NELL1: variants seen among roughly 807,000 people sequenced by gnomAD.
The protein encoded by NELL1 is neural EGFL like 1, also known as protein kinase C-binding protein NELL1.
A neutral mutation model predicts 107.4 loss-of-function variants in NELL1; 76 were observed. The ratio of observed to expected loss-of-function variants is 0.71; its 90% CI spans 0.59 to 0.86. The LOEUF (loss-of-function observed/expected upper bound fraction) is 0.86, where lower values mean the gene tolerates loss of function less well. Ranked by LOEUF, NELL1 falls within the 40% of genes least tolerant of loss-of-function variation. NELL1 has a pLI of 0.00. For missense variants in NELL1, 1,024 were observed against 1,005.5 expected (o/e 1.02, Z -0.25); for synonymous variants, 353 against 341.2 (o/e 1.03, Z -0.38).
chr11:21,415,090 G>A (rs1329211181), intron 15 of NELL1, among the ~76,000 whole-genome samples: 1 of 152,102 alleles, frequency 6.6e-6, no homozygotes, highest in Admixed American at 6.6e-5. Flanking sequence ...CTGCAGGGCT[G>A]TTAAACTACC....
At chr11:21,177,731 T>C (rs1856742812) in intron 13 of NELL1, among the ~76,000 whole-genome samples, 1 of 151,860 alleles carries the variant, frequency 6.6e-6, no homozygotes, top group Non-Finnish European at 1.5e-5. Context: ...TTTACATTCC[T>C]ACCAACAGTG....
Position 21,229,429 on chromosome 11 carries a change from C to T in NELL1, c.1524C>T (p.Tyr508=), listed in dbSNP as rs770849459. Reference sequence around the variant, plus strand: ...ACAGCTGCACCTGCAAACCGGGCTACGTGGGGAACGGGACCATCTGCAGAG... The same window carrying T: ...ACAGCTGCACCTGCAAACCGGGCTATGTGGGGAACGGGACCATCTGCAGAG... ...QGHSCTCKPG[Y]VGNGTICRAF... Residue 508 remains tyrosine, a synonymous_variant, in exon 14 of 20, where the codon TAC becomes TAT. Transcript: ENST00000357134. The T allele has an allele frequency of 2.5e-6, 4 of 1,613,922 alleles. No individual in the cohort carries two copies. The highest frequency in any genetic ancestry group is 1.3e-5 in the African/African-American group (1 of 75,048).
intron 14 of NELL1, among the ~76,000 whole-genome samples, chr11:21,273,640 G>A (rs1205022885): frequency 2.0e-5 from 3 of 152,144 alleles, no homozygotes; most frequent in East Asian, 1.9e-4. Flanking sequence ...AAAATGTTAA[G>A]GGCAGCCAGA....
intron 14 of NELL1, among the ~76,000 whole-genome samples, chr11:21,259,559 A>G (rs723468): frequency 0.043 from 6,599 of 151,980 alleles, 178 homozygotes; most frequent in Admixed American, 0.073. Flanking sequence ...GAGTGCTGCA[A>G]TAGACAGACT....
chr11:20,805,115 G>T (rs1857354528), intron 3 of NELL1, among the ~76,000 whole-genome samples: 1 of 151,628 alleles, frequency 6.6e-6, no homozygotes, highest in Non-Finnish European at 1.5e-5. Flanking sequence ...GTTTCCATTG[G>T]CATGGAATAT....
chr11:20,956,569 C>T lies in NELL1; in HGVS notation c.1172-3863C>T, dbSNP rs372222760. ...GCTGAGGCAGGAGAATGGCATGAAC[C>T]CGGGAGGCAGAGCTTGCAGTGAGCT... On this transcript the variant is annotated intron_variant, in intron 11 of 19. Transcript: ENST00000357134. Among the ~76,000 whole-genome samples the T allele has an allele frequency of 7.8e-4, 118 of 151,634 alleles. No individual in the cohort carries two copies. The East Asian group carries it at 0.019, about 24-fold the overall frequency.
chr11:21,412,085 A>G (rs1490523695), intron 15 of NELL1, among the ~76,000 whole-genome samples: 4 of 152,114 alleles, frequency 2.6e-5, no homozygotes, highest in Admixed American at 2.6e-4. Flanking sequence ...AGTTTGCAAT[A>G]AAGTATCAAA....
At chr11:21,239,534 A>C (rs1216362855) in intron 14 of NELL1, among the ~76,000 whole-genome samples, 1 of 152,026 alleles carries the variant, frequency 6.6e-6, no homozygotes, top group Non-Finnish European at 1.5e-5. Flanking sequence ...TCAGTATTCT[A>C]ATATGTAGCC....
At position 21,405,397 on chromosome 11, in the gene NELL1, T is replaced by A. The variant is rs111622056; in HGVS notation, c.1645+34449T>A. Reference sequence around the variant, plus strand: ...GTTGTAAAAAGAAACAGGATTCCAATTTTTTCTGTTGTGTTTATTATTTCA... The same window carrying A: ...GTTGTAAAAAGAAACAGGATTCCAAATTTTTCTGTTGTGTTTATTATTTCA... On this transcript the variant is annotated intron_variant, in intron 15 of 19. Transcript: ENST00000357134. Among the ~76,000 whole-genome samples, 34 of 18,940 alleles carry A rather than the reference T, an allele frequency of 1.8e-3. 1 individual carries two copies. In the South Asian group the frequency reaches 0.039, roughly 22 times the overall value. The allele number at this position is 18,940 out of a possible 152,430, so 12.4% of individuals were successfully genotyped here.
At chr11:20,761,762 G>T (rs1163009275) in intron 2 of NELL1, among the ~76,000 whole-genome samples, 1 of 152,170 alleles carries the variant, frequency 6.6e-6, no homozygotes, top group Non-Finnish European at 1.5e-5. Context: ...TTGCATGTGT[G>T]ATAAAACAAG....
chr11:20,955,912 G>A (rs1273334964), intron 11 of NELL1, among the ~76,000 whole-genome samples: 1 of 152,038 alleles, frequency 6.6e-6, no homozygotes, highest in Non-Finnish European at 1.5e-5. Context: ...TTTTAAGCCA[G>A]GAACTGTAAT....
In NELL1 at chr11:20,919,142, C is replaced by CA. The variant is rs897156516; in HGVS notation, c.677-103dup. On this transcript the variant is annotated intron_variant, in intron 6 of 19. Transcript: ENST00000357134. ...ACTCAAATTTCAAAGCAATGTCAAC[C>CA]AAAAAAACCCCAAAAACTCTTCTAC... 24 of 536,702 alleles carry CA rather than the reference C, an allele frequency of 4.5e-5. No homozygotes were observed. The Middle Eastern group carries it at 1.6e-3, about 35-fold the overall frequency. 33.2% of individuals were successfully genotyped at this position (536,702 alleles called of 1,614,324 possible). A position where few individuals can be genotyped will look rare whatever the true frequency, so the allele number is the denominator to read the frequency against.
intron 10 of NELL1, among the ~76,000 whole-genome samples, chr11:20,942,305 G>A (rs1850872087): frequency 6.6e-6 from 1 of 152,170 alleles, no homozygotes; most frequent in Non-Finnish European, 1.5e-5. Context: ...GAATGCCAGA[G>A]ATTCCATGAG....
At chr11:20,875,996 C>G (rs960751813) in intron 4 of NELL1, among the ~76,000 whole-genome samples, 1 of 152,224 alleles carries the variant, frequency 6.6e-6, no homozygotes, top group Non-Finnish European at 1.5e-5. Context: ...ACACCCTGCT[C>G]TCAAACCCCC....
chr11:21,440,633 G>T (rs1237444865), intron 15 of NELL1, among the ~76,000 whole-genome samples: 1 of 151,314 alleles, frequency 6.6e-6, no homozygotes, highest in African/African-American at 2.4e-5. Context: ...AAGGAGCGTT[G>T]TTAGTGTCTG....
intron 12 of NELL1, among the ~76,000 whole-genome samples, chr11:21,053,875 C>A (rs1853555003): frequency 6.6e-6 from 1 of 152,116 alleles, no homozygotes; most frequent in South Asian, 2.1e-4. Context: ...TCTGATAAAC[C>A]AGATTCTTGG....
intron 2 of NELL1, among the ~76,000 whole-genome samples, chr11:20,724,474 C>T (rs1055817118): frequency 2.0e-5 from 3 of 152,170 alleles, no homozygotes; most frequent in Non-Finnish European, 4.4e-5. Context: ...TACCCTAAAT[C>T]ATCTCACTCA....
intron 12 of NELL1, among the ~76,000 whole-genome samples, chr11:21,107,049 A>G (rs1454840549): frequency 1.3e-5 from 2 of 152,196 alleles, no homozygotes; most frequent in African/African-American, 2.4e-5. Flanking sequence ...AACTGAAAGC[A>G]CAGAGATTGC....
intron 19 of NELL1, among the ~76,000 whole-genome samples, chr11:21,574,458 T>A (rs937008248): frequency 6.6e-6 from 1 of 151,832 alleles, no homozygotes; most frequent in African/African-American, 2.4e-5. Context: ...GTACATAAAA[T>A]TTTTAATGAA....
Sources: gnomAD v4.1 joint callset for allele counts (sites outside exome capture counted in the v4.1 genomes callset) on GRCh38, gnomAD v4.1.1 for gene constraint, MANE v1.5 for transcripts, NCBI Gene and HGNC (gene_info 2026-07-23, HGNC 2026-07-21) for gene names.